Variants in FIP1L1 observed in about 807,000 individuals in gnomAD.
FIP1L1 encodes factor interacting with PAPOLA and CPSF1.
In FIP1L1, 21 loss-of-function variants were observed where a neutral mutation model predicts 84.6. That is an observed-to-expected ratio of 0.25 (90% CI 0.18 to 0.36). The LOEUF (loss-of-function observed/expected upper bound fraction) is 0.36, where lower values mean the gene tolerates loss of function less well. Among genes scored for constraint, FIP1L1 ranks in the 10% least tolerant of loss-of-function variants. The probability of loss-of-function intolerance (pLI) is 1.00; values close to 1 mark genes in which losing one functional copy is unlikely to be tolerated. For missense variants in FIP1L1, 526 were observed against 751.1 expected (o/e 0.70, Z 3.50); for synonymous variants, 263 against 242.3 (o/e 1.09, Z -0.80).
At chr4:53,407,574 T>C (rs957493699) in intron 10 of FIP1L1, among the ~76,000 whole-genome samples, 2 of 147,188 alleles carry the variant, frequency 1.4e-5, no homozygotes, top group African/African-American at 5.0e-5. Flanking sequence ...TTGTTAACTT[T>C]CTGTCTCGTT....
intron 10 of FIP1L1, among the ~76,000 whole-genome samples, chr4:53,404,574 G>A (rs918934518): frequency 1.3e-5 from 2 of 151,422 alleles, no homozygotes; most frequent in Non-Finnish European, 2.9e-5. Flanking sequence ...ATAGATCCCT[G>A]AGGAATCGCC....
intron 13 of FIP1L1, among the ~76,000 whole-genome samples, chr4:53,440,112 C>T (rs995673577): frequency 6.6e-6 from 1 of 152,012 alleles, no homozygotes; most frequent in Non-Finnish European, 1.5e-5. Flanking sequence ...ACAGTCAACA[C>T]TTGAATGAAC....
Position 53,458,718 on chromosome 4 carries a change from G to A in FIP1L1, c.1565G>A (p.Arg522Gln). ...GGTTATGAGCGTCACAGAGCAAGTC[G>A]AGAAAAAGAAGAACGACATAGAGAA... ...ERGYERHRASREKEERHRERR... is the reference protein window; with the variant it reads ...ERGYERHRASQEKEERHRERR... The change falls in exon 17 of 18, where the codon CGA (arginine) becomes CAA (glutamine). Residue 522 changes from arginine to glutamine, a missense_variant. This residue lies in a region of FIP1L1 where 89 missense variants were observed against 169.0 expected (regional missense o/e 0.53). Transcript: ENST00000337488. 1 of 1,613,146 alleles carries A rather than the reference G, an allele frequency of 6.2e-7. No homozygotes were observed. Among genetic ancestry groups the A allele is most frequent in the Non-Finnish European group, 8.5e-7 (1 of 1,179,450 alleles).
At chr4:53,400,202 T>A (rs1175473811) in intron 10 of FIP1L1, among the ~76,000 whole-genome samples, 3 of 152,214 alleles carry the variant, frequency 2.0e-5, no homozygotes, top group African/African-American at 7.2e-5. Context: ...TAAGTCTAGA[T>A]CTATTGGCCT....
intron 10 of FIP1L1, among the ~76,000 whole-genome samples, chr4:53,407,712 C>T (rs1032184498): frequency 6.6e-6 from 1 of 152,058 alleles, no homozygotes; most frequent in Non-Finnish European, 1.5e-5. Flanking sequence ...GGATAGTTAG[C>T]TCTTCTTGTT....
At chr4:53,401,792 A>C (rs1466039321) in intron 10 of FIP1L1, among the ~76,000 whole-genome samples, 1 of 152,230 alleles carries the variant, frequency 6.6e-6, no homozygotes, top group Non-Finnish European at 1.5e-5. Flanking sequence ...TGAGATGCCT[A>C]TTGGACGTGC....
At chr4:53,417,297 T>C (rs1257999479) in intron 11 of FIP1L1, among the ~76,000 whole-genome samples, 1 of 152,086 alleles carries the variant, frequency 6.6e-6, no homozygotes, top group Non-Finnish European at 1.5e-5. Flanking sequence ...AGAATATATG[T>C]GGAAGGAAAT....
chr4:53,440,571 T>G, intron 13 of FIP1L1: 1 of 1,493,226 alleles, frequency 6.7e-7, no homozygotes, highest in Non-Finnish European at 9.2e-7. Context: ...ATTTCATCAC[T>G]TGTTTTTTAG....
At chr4:53,393,482 A>G (rs892791066) in intron 9 of FIP1L1, among the ~76,000 whole-genome samples, 1 of 152,224 alleles carries the variant, frequency 6.6e-6, no homozygotes, top group African/African-American at 2.4e-5. Flanking sequence ...CAGCTTCAAC[A>G]CTTAACAGTG....
chr4:53,399,193 T>G (rs1748977568), intron 9 of FIP1L1, among the ~76,000 whole-genome samples: 1 of 152,154 alleles, frequency 6.6e-6, no homozygotes, highest in South Asian at 2.1e-4. Flanking sequence ...CCTACTGAAC[T>G]GTCAGGATGA....
At chr4:53,378,575 G>A (rs1258514608) in intron 1 of FIP1L1, 1 of 153,394 alleles carries the variant, frequency 6.5e-6, no homozygotes, top group Non-Finnish European at 1.4e-5. Context: ...CTACATCATG[G>A]AGGTATCTCA....
chr4:53,459,823 T>C lies in FIP1L1; in HGVS notation c.*374T>C, dbSNP rs1014056. ...AACACCACTCTCTTAAGAGGCTGCATCACAAAAGGCAACAAAGGGCCCCTC... is the reference window on the plus strand; with the variant it reads ...AACACCACTCTCTTAAGAGGCTGCACCACAAAAGGCAACAAAGGGCCCCTC... On this transcript the variant is annotated 3_prime_UTR_variant, in exon 18 of 18. Transcript: ENST00000337488. The C allele has an allele frequency of 0.82, 218,555 of 265,788 alleles. 90,168 individuals are homozygous for C. The highest frequency in any genetic ancestry group is 0.85 in the Non-Finnish European group (118,577 of 138,826). 16.5% of individuals were successfully genotyped at this position (265,788 alleles called of 1,614,324 possible).
intron 5 of FIP1L1, among the ~76,000 whole-genome samples, chr4:53,387,012 A>G (rs1167704584): frequency 2.6e-5 from 4 of 152,216 alleles, no homozygotes; most frequent in African/African-American, 9.6e-5. Context: ...AGGTCATATC[A>G]TTTGAAAAGA....
rs75910510 is a variant in FIP1L1 at position 53,389,700 on chromosome 4, A to G, written c.333-109A>G. The G allele has an allele frequency of 2.0e-3, 1,560 of 768,682 alleles. 18 individuals are homozygous for G. The African/African-American group carries it at 0.025, about 12-fold the overall frequency. The allele number at this position is 768,682 out of a possible 1,614,324, so 47.6% of individuals were successfully genotyped here. On this transcript the variant is annotated intron_variant, in intron 5 of 17. Transcript: ENST00000337488. ...ATAGAAATAAAATGTGTGTCACACTATCCATTTACTATGTGATTGTATAAT... is the reference window on the plus strand; with the variant it reads ...ATAGAAATAAAATGTGTGTCACACTGTCCATTTACTATGTGATTGTATAAT...
chr4:53,456,253 T>G (rs1228249610), intron 16 of FIP1L1, among the ~76,000 whole-genome samples: 1 of 152,140 alleles, frequency 6.6e-6, no homozygotes, highest in Non-Finnish European at 1.5e-5. Flanking sequence ...AATAACACAT[T>G]GTTTATAGAA....
chr4:53,413,290 G>A (rs1312018811), intron 10 of FIP1L1, among the ~76,000 whole-genome samples: 1 of 151,924 alleles, frequency 6.6e-6, no homozygotes, highest in African/African-American at 2.4e-5. Context: ...GTGGGGAATG[G>A]TAATTAAAAA....
At chr4:53,434,782 T>C (rs1454986464) in intron 13 of FIP1L1, among the ~76,000 whole-genome samples, 1 of 152,190 alleles carries the variant, frequency 6.6e-6, no homozygotes, top group East Asian at 1.9e-4. Flanking sequence ...CTTAGTAAAT[T>C]TATGAAAGTA....
chr4:53,413,712 G>A (rs1421378838), intron 10 of FIP1L1, among the ~76,000 whole-genome samples: 1 of 152,028 alleles, frequency 6.6e-6, no homozygotes, highest in Non-Finnish European at 1.5e-5. Flanking sequence ...CTACAGAGTT[G>A]TTATATTAAG....
chr4:53,387,349 G>A (rs1255212251), intron 5 of FIP1L1, among the ~76,000 whole-genome samples: 2 of 152,190 alleles, frequency 1.3e-5, no homozygotes. Context: ...GTGGATGGAG[G>A]AGGAGATAAA....
Sources: gnomAD v4.1 joint callset for allele counts (sites outside exome capture counted in the v4.1 genomes callset) on GRCh38, gnomAD v4.1.1 for gene constraint, gnomAD v4.1.1 regional missense constraint, MANE v1.5 for transcripts, NCBI Gene and HGNC (gene_info 2026-07-23, HGNC 2026-07-21) for gene names.